The following PDLIM1 variants were observed in gnomAD, a reference collection of about 807,000 sequenced individuals.
PDLIM1 encodes the protein PDZ and LIM domain protein 1.
PDLIM1 carries 25 observed loss-of-function variants against 35.2 expected under a neutral mutation model. The ratio of observed to expected loss-of-function variants is 0.71; its 90% confidence interval spans 0.52 to 0.99. The LOEUF (loss-of-function observed/expected upper bound fraction) is 0.99. Among genes scored for constraint, PDLIM1 ranks in the 50% least tolerant of loss-of-function variants. The pLI, the probability that PDLIM1 is intolerant of heterozygous loss-of-function variation, is 0.00. For synonymous variants in PDLIM1, 152 were observed against 154.0 expected (o/e 0.99, Z 0.10); for missense variants, 363 against 415.3 (o/e 0.87, Z 1.09).
At chr10:95,276,896 TAAA>T (rs61442624) in intron 1 of PDLIM1, among the ~76,000 whole-genome samples, 4,435 of 68,880 alleles carry the variant, frequency 0.064, 209 homozygotes, top group African/African-American at 0.17. Flanking sequence ...TTCAGTTTCC[TAAA>T]AAAAAAAAAA....
At chr10:95,288,135 T>C (rs45592832) in intron 1 of PDLIM1, among the ~76,000 whole-genome samples, 2,558 of 152,246 alleles carry the variant, frequency 0.017, 73 homozygotes, top group African/African-American at 0.057. Context: ...TTATAATCAT[T>C]TGCTGTGCAT....
chr10:95,280,478 GA>G (rs1275232892), intron 1 of PDLIM1, among the ~76,000 whole-genome samples: 1 of 152,204 alleles, frequency 6.6e-6, no homozygotes, highest in African/African-American at 2.4e-5. Flanking sequence ...TGGAAAGCAT[GA>G]TTATATGTAG....
rs200795366 is a variant in PDLIM1 at position 95,254,926 on chromosome 10, G to GTAAA, written c.534-7564_534-7561dup. 5.7e-3 allele frequency among the ~76,000 whole-genome samples: 869 copies of GTAAA among 151,882 alleles called. 9 individuals are homozygous for GTAAA. Among genetic ancestry groups the GTAAA allele is most frequent in the African/African-American group, 0.019 (803 of 41,400 alleles). Reference sequence around the variant, plus strand: ...TGCCTCTAAGTAAGTAAGTAAGTAAGTAAATAAATAAATAAATCAGAAATG... The same window carrying GTAAA: ...TGCCTCTAAGTAAGTAAGTAAGTAAGTAAATAAATAAATAAATAAATCAGAAATG... On this transcript the variant is annotated intron_variant, in intron 4 of 6. Transcript: ENST00000329399.
At chr10:95,249,708 G>A (rs183147827) in intron 4 of PDLIM1, among the ~76,000 whole-genome samples, 10 of 152,126 alleles carry the variant, frequency 6.6e-5, no homozygotes, top group Admixed American at 2.0e-4. Flanking sequence ...CAACCTCTGG[G>A]GCACGTTCAG....
chr10:95,275,488 A>C (rs558573740), intron 1 of PDLIM1, among the ~76,000 whole-genome samples: 2 of 152,354 alleles, frequency 1.3e-5, no homozygotes, highest in South Asian at 4.1e-4. Flanking sequence ...CTGTATAATA[A>C]ATGATTGGCT....
At chr10:95,271,436 CAAA>C (rs5787128) in intron 2 of PDLIM1, among the ~76,000 whole-genome samples, 194 bp downstream of exon 2, 59 of 71,884 alleles carry the variant, frequency 8.2e-4, no homozygotes, top group African/African-American at 2.3e-3. Flanking sequence ...GACTCCGTCT[CAAA>C]AAAAAAAAAA....
intron 1 of PDLIM1, among the ~76,000 whole-genome samples, chr10:95,286,129 G>A (rs1280938021): frequency 6.6e-6 from 1 of 152,140 alleles, no homozygotes; most frequent in Non-Finnish European, 1.5e-5. Context: ...GGCTAAGGTG[G>A]GCAGGTCACT....
intron 1 of PDLIM1, among the ~76,000 whole-genome samples, chr10:95,281,724 T>TTC: frequency 6.6e-6 from 1 of 152,314 alleles, no homozygotes; most frequent in Admixed American, 6.5e-5. Flanking sequence ...ACTCCTGGCC[T>TTC]CAAGCAATCC....
At chr10:95,241,647 A>C (rs2035179365) in intron 5 of PDLIM1, among the ~76,000 whole-genome samples, 1 of 152,196 alleles carries the variant, frequency 6.6e-6, no homozygotes, top group Non-Finnish European at 1.5e-5. Context: ...GATGGAGTAG[A>C]CTTCCCCATC....
chr10:95,275,308 T>TA (rs2035501413), intron 1 of PDLIM1, among the ~76,000 whole-genome samples: 1 of 152,202 alleles, frequency 6.6e-6, no homozygotes, highest in South Asian at 2.1e-4. Context: ...TGAGTAATAA[T>TA]AAAACTCTAG....
intron 4 of PDLIM1, among the ~76,000 whole-genome samples, chr10:95,257,581 G>T (rs989678048): frequency 6.6e-6 from 1 of 152,126 alleles, no homozygotes; most frequent in South Asian, 2.1e-4. Context: ...TTAAAGAAAT[G>T]CAAATCAAAA....
At chr10:95,276,749 T>C (rs903320911) in intron 1 of PDLIM1, among the ~76,000 whole-genome samples, 1 of 152,030 alleles carries the variant, frequency 6.6e-6, no homozygotes, top group Non-Finnish European at 1.5e-5. Flanking sequence ...GCAGTTTGCC[T>C]GAGGTTGCAC....
chr10:95,266,265 GT>G (rs2035416231), intron 3 of PDLIM1, among the ~76,000 whole-genome samples: 1 of 152,050 alleles, frequency 6.6e-6, no homozygotes, highest in African/African-American at 2.4e-5. Flanking sequence ...TTATCAAAGA[GT>G]AGTTAAGTAA....
At chr10:95,261,083 C>A (rs76136886) in intron 4 of PDLIM1, among the ~76,000 whole-genome samples, 1 of 152,274 alleles carries the variant, frequency 6.6e-6, no homozygotes, top group African/African-American at 2.4e-5. Context: ...TTTTGATACT[C>A]GGCAACTACT....
intron 3 of PDLIM1, among the ~76,000 whole-genome samples, chr10:95,265,657 G>A (rs964307713): frequency 4.7e-5 from 7 of 149,190 alleles, no homozygotes; most frequent in Non-Finnish European, 7.4e-5. Context: ...GCTCACGCCT[G>A]TAATCCCAAC....
chr10:95,263,543 AAGGACTATGT>A (rs2035384548), intron 4 of PDLIM1, among the ~76,000 whole-genome samples: 1 of 152,236 alleles, frequency 6.6e-6, no homozygotes, highest in Admixed American at 6.5e-5. Context: ...CCTGTCAAGG[AAGGACTATGT>A]TCAATTAGAA....
intron 1 of PDLIM1, among the ~76,000 whole-genome samples, chr10:95,282,352 G>A (rs759393679): frequency 7.2e-5 from 11 of 152,226 alleles, no homozygotes; most frequent in Admixed American, 2.6e-4. Flanking sequence ...TGCAGAAGCT[G>A]TATGCATTTA....
At chr10:95,241,453 TG>T (rs2035177507) in intron 5 of PDLIM1, among the ~76,000 whole-genome samples, 1 of 152,118 alleles carries the variant, frequency 6.6e-6, no homozygotes, top group African/African-American at 2.4e-5. Context: ...GGTTCCCTAC[TG>T]GGGGCAGTTT....
At chr10:95,261,407 G>C (rs7068656) in intron 4 of PDLIM1, among the ~76,000 whole-genome samples, 96,621 of 151,936 alleles carry the variant, frequency 0.64, 31,790 homozygotes, top group Non-Finnish European at 0.7. Context: ...GGGATCACAG[G>C]CCCCCAGTGT....
Sources: allele counts gnomAD v4.1 joint callset (sites outside exome capture counted in the v4.1 genomes callset), GRCh38; gene constraint gnomAD v4.1.1; transcripts MANE v1.5; gene names NCBI Gene and HGNC (gene_info 2026-07-23, HGNC 2026-07-21).